The following KCNIP3 variants were observed in gnomAD, a reference collection of about 807,000 sequenced individuals.
KCNIP3 encodes potassium voltage-gated channel interacting protein 3.
A neutral mutation model predicts 35.0 loss-of-function variants in KCNIP3; 28 were observed. That is an observed-to-expected ratio of 0.80 (90% confidence interval 0.59 to 1.10). The LOEUF (loss-of-function observed/expected upper bound fraction) is 1.10, where lower values mean the gene tolerates loss of function less well. Ranked by LOEUF, KCNIP3 falls within the 50% of genes least tolerant of loss-of-function variation. The pLI, the probability that KCNIP3 is intolerant of heterozygous loss-of-function variation, is 0.00. For synonymous variants in KCNIP3, 134 were observed against 133.8 expected, an observed-to-expected ratio of 1.00 and a Z score of -0.01; for missense variants, 295 against 338.4, an observed-to-expected ratio of 0.87 and a Z score of 1.01.
chr2:95,319,303 G>T (rs1678533192), intron 2 of KCNIP3, among the ~76,000 whole-genome samples: 1 of 152,196 alleles, frequency 6.6e-6, no homozygotes, highest in Admixed American at 6.5e-5. Context: ...GACTCGGAGA[G>T]CCCAGGGTTC....
intron 1 of KCNIP3, among the ~76,000 whole-genome samples, chr2:95,304,309 CG>C: frequency 6.6e-6 from 1 of 152,278 alleles, no homozygotes; most frequent in East Asian, 1.9e-4. Context: ...AGTGGGAAGC[CG>C]GGAGCAGAAG....
intron 2 of KCNIP3, among the ~76,000 whole-genome samples, chr2:95,327,375 TCA>T (rs1298556485): frequency 6.6e-6 from 1 of 151,950 alleles, no homozygotes; most frequent in Non-Finnish European, 1.5e-5. Context: ...TCACACACAT[TCA>T]CACACACGCA....
intron 2 of KCNIP3, among the ~76,000 whole-genome samples, chr2:95,338,069 G>A (rs974255399): frequency 2.0e-5 from 3 of 152,314 alleles, no homozygotes; most frequent in African/African-American, 7.2e-5. Flanking sequence ...CGAGGAGCAG[G>A]CAGACACCAG....
intron 6 of KCNIP3, 83 bp downstream of exon 6, chr2:95,381,786 C>G (rs1413875699): frequency 3.2e-6 from 3 of 948,046 alleles, no homozygotes; most frequent in Non-Finnish European, 5.1e-6. Context: ...TCTCCCTGCT[C>G]CTGCTGCCCA....
chr2:95,323,728 G>A (rs887383913), intron 2 of KCNIP3, among the ~76,000 whole-genome samples: 6 of 151,986 alleles, frequency 3.9e-5, no homozygotes, highest in African/African-American at 9.7e-5. Flanking sequence ...CCTGGCTCCC[G>A]ATGCCCCAAG....
At chr2:95,366,981 A>T (rs138747052) in intron 2 of KCNIP3, among the ~76,000 whole-genome samples, 2 of 152,220 alleles carry the variant, frequency 1.3e-5, no homozygotes, top group East Asian at 3.9e-4. Context: ...GTCTGTGCTT[A>T]CCTTTTTATT....
intron 2 of KCNIP3, among the ~76,000 whole-genome samples, chr2:95,360,643 C>T (rs1230167046): frequency 1.3e-5 from 2 of 152,178 alleles, no homozygotes; most frequent in Non-Finnish European, 1.5e-5. Context: ...TGTATTGGCT[C>T]GCAGTTCTGG....
At chr2:95,338,658 T>C (rs1679120445) in intron 2 of KCNIP3, among the ~76,000 whole-genome samples, 1 of 152,192 alleles carries the variant, frequency 6.6e-6, no homozygotes, top group Non-Finnish European at 1.5e-5. Flanking sequence ...AGACTTGATG[T>C]TAACCAAAAG....
chr2:95,341,617 G>A (rs971634272), intron 2 of KCNIP3, among the ~76,000 whole-genome samples: 4 of 152,116 alleles, frequency 2.6e-5, no homozygotes, highest in African/African-American at 4.8e-5. Context: ...ATCACCAAGT[G>A]ACTCCATTTT....
At chr2:95,305,233 A>C (rs1678139051) in intron 1 of KCNIP3, among the ~76,000 whole-genome samples, 4 of 152,200 alleles carry the variant, frequency 2.6e-5, no homozygotes. Context: ...AGCACAGGGG[A>C]CTTTTGATCA....
intron 2 of KCNIP3, among the ~76,000 whole-genome samples, chr2:95,341,020 G>A (rs1363352284): frequency 1.3e-5 from 2 of 152,200 alleles, no homozygotes; most frequent in Admixed American, 6.5e-5. Flanking sequence ...GGTTCTGTGC[G>A]GCCCCTGGGG....
intron 2 of KCNIP3, among the ~76,000 whole-genome samples, chr2:95,364,344 T>G (rs1679868171): frequency 6.6e-6 from 1 of 152,218 alleles, no homozygotes; most frequent in Admixed American, 6.5e-5. Context: ...TTGATCATGA[T>G]GTACTTAAAA....
At chr2:95,362,967 G>A (rs1428356407) in intron 2 of KCNIP3, among the ~76,000 whole-genome samples, 3 of 152,128 alleles carry the variant, frequency 2.0e-5, no homozygotes, top group Non-Finnish European at 4.4e-5. Context: ...CTGAAATTGA[G>A]CCATCTTTTG....
At chr2:95,302,893 T>C (rs1462518661) in intron 1 of KCNIP3, among the ~76,000 whole-genome samples, 1 of 152,180 alleles carries the variant, frequency 6.6e-6, no homozygotes, top group Non-Finnish European at 1.5e-5. Context: ...TCACTTCTGT[T>C]TTGCATCCGT....
At position 95,384,104 on chromosome 2, in the gene KCNIP3, A is replaced by C; in HGVS notation, c.*55A>C. The stretch of plus-strand genomic sequence containing the variant: ...CCACCTCCACCCCCAAGAAACCTCC[A>C]TCCTGCCAGGAGCAGCCTCCAAGAA... On this transcript the variant is annotated 3_prime_UTR_variant, in exon 9 of 9. Transcript: ENST00000295225. 61 of 1,542,740 alleles carry C rather than the reference A, an allele frequency of 4.0e-5. No homozygotes were observed. The highest frequency in any genetic ancestry group is 4.8e-5 in the Non-Finnish European group (54 of 1,115,964).
chr2:95,329,112 A>T (rs1435570928), intron 2 of KCNIP3, among the ~76,000 whole-genome samples: 1 of 152,154 alleles, frequency 6.6e-6, no homozygotes, highest in Admixed American at 6.5e-5. Flanking sequence ...CTGTGATGAG[A>T]GAAGAAATTG....
intron 2 of KCNIP3, among the ~76,000 whole-genome samples, chr2:95,330,787 T>C (rs1678909403): frequency 1.3e-5 from 2 of 152,112 alleles, no homozygotes; most frequent in African/African-American, 2.4e-5. Context: ...AAGCCGTGGG[T>C]CTCCTTGCCT....
At chr2:95,332,820 C>A (rs1486470740) in intron 2 of KCNIP3, among the ~76,000 whole-genome samples, 5 of 152,186 alleles carry the variant, frequency 3.3e-5, no homozygotes, top group Non-Finnish European at 7.3e-5. Flanking sequence ...GGTTCTCAAG[C>A]CTTCCCTGCC....
intron 2 of KCNIP3, among the ~76,000 whole-genome samples, chr2:95,371,590 A>G (rs1281487271): frequency 5.3e-5 from 8 of 152,308 alleles, no homozygotes; most frequent in East Asian, 3.9e-4. Context: ...GTCACTTGTC[A>G]TACCATTTAC....
Sources: allele counts gnomAD v4.1 joint callset (sites outside exome capture counted in the v4.1 genomes callset), GRCh38; gene constraint gnomAD v4.1.1; transcripts MANE v1.5; gene names NCBI Gene and HGNC (gene_info 2026-07-23, HGNC 2026-07-21).